Variants in DPYD observed in about 807,000 individuals in gnomAD.
The protein encoded by DPYD is dihydropyrimidine dehydrogenase.
A neutral mutation model predicts 116.2 loss-of-function variants in DPYD; 109 were observed. The ratio of observed to expected loss-of-function variants is 0.94; its 90% CI spans 0.80 to 1.10. The LOEUF (loss-of-function observed/expected upper bound fraction) is 1.10, where lower values mean the gene tolerates loss of function less well. Ranked by LOEUF, DPYD falls within the 50% of genes least tolerant of loss-of-function variation. The pLI is 0.00. For synonymous variants in DPYD, 440 were observed against 432.0 expected (o/e 1.02, Z -0.23); for missense variants, 1,302 against 1,254.5 (o/e 1.04, Z -0.57).
chr1:97,456,572 C>G (rs1464034352), intron 13 of DPYD, among the ~76,000 whole-genome samples: 1 of 151,964 alleles, frequency 6.6e-6, no homozygotes. Flanking sequence ...TGACAGAGGC[C>G]CTAACGGGCT....
At chr1:97,134,335 A>T (rs1292854286) in intron 20 of DPYD, among the ~76,000 whole-genome samples, 1 of 151,996 alleles carries the variant, frequency 6.6e-6, no homozygotes, top group African/African-American at 2.4e-5. Flanking sequence ...GATCAGATTA[A>T]AATAAGCCAG....
At chr1:97,084,408 A>G (rs939955643) in intron 21 of DPYD, among the ~76,000 whole-genome samples, 2 of 151,472 alleles carry the variant, frequency 1.3e-5, no homozygotes, top group African/African-American at 4.8e-5. Flanking sequence ...TTCCTAACCA[A>G]ATGTGAGGAC....
chr1:97,590,171 G>A (rs1654407370), intron 10 of DPYD, among the ~76,000 whole-genome samples: 1 of 152,130 alleles, frequency 6.6e-6, no homozygotes, highest in African/African-American at 2.4e-5. Context: ...AAACTTCTAT[G>A]AATGCCAAAA....
At chr1:97,320,215 G>A (rs1570510778) in intron 16 of DPYD, among the ~76,000 whole-genome samples, 1 of 139,526 alleles carries the variant, frequency 7.2e-6, no homozygotes, top group Non-Finnish European at 1.5e-5. Context: ...TCAACATAGT[G>A]TTGGAAGTTC....
At chr1:97,586,922 G>A (rs1052558003) in intron 10 of DPYD, among the ~76,000 whole-genome samples, 3 of 152,014 alleles carry the variant, frequency 2.0e-5, no homozygotes, top group Non-Finnish European at 4.4e-5. Flanking sequence ...AAGAAATAGA[G>A]CCTTCCTGTC....
At chr1:97,351,654 T>C (rs1020021004) in intron 16 of DPYD, among the ~76,000 whole-genome samples, 3 of 151,876 alleles carry the variant, frequency 2.0e-5, no homozygotes, top group Admixed American at 2.0e-4. Flanking sequence ...AAATAATAAC[T>C]ACAACAAAAA....
intron 5 of DPYD, chr1:97,719,772 G>A (rs1289183816): frequency 7.1e-6 from 7 of 984,830 alleles, no homozygotes; most frequent in East Asian, 1.1e-4. Flanking sequence ...TAGTTCCCAC[G>A]AGGACATTTT....
chr1:97,083,471 G>T (rs964970754), intron 21 of DPYD, among the ~76,000 whole-genome samples: 1 of 151,614 alleles, frequency 6.6e-6, no homozygotes, highest in Non-Finnish European at 1.5e-5. Context: ...CATTATCATG[G>T]AATTTCAAAC....
chr1:97,089,217 A>G (rs76790666), intron 21 of DPYD, among the ~76,000 whole-genome samples: 2,362 of 152,274 alleles, frequency 0.016, 46 homozygotes, highest in African/African-American at 0.054. Flanking sequence ...GACGTTAGAG[A>G]TACATTCCCG....
chr1:97,256,367 C>T (rs1011203702), intron 18 of DPYD, among the ~76,000 whole-genome samples: 2 of 152,010 alleles, frequency 1.3e-5, no homozygotes, highest in African/African-American at 2.4e-5. Flanking sequence ...CAAATTTCAT[C>T]TTGAATTGTA....
rs1674492268 is a variant in DPYD at position 97,920,996 on chromosome 1, G to GT, written c.-75dup. The stretch of plus-strand genomic sequence containing the variant: ...CCTCAAGCTCCAGCCAGAGAGCCAA[G>GT]TGACAGCAGCCGGAGCGCGAGTCGA... On this transcript the variant is annotated 5_prime_UTR_variant, in exon 1 of 23. Transcript: ENST00000370192. The GT allele has an allele frequency of 6.5e-7, 1 of 1,537,276 alleles. No individual in the cohort carries two copies. The highest frequency in any genetic ancestry group is 2.0e-5 in the Admixed American group (1 of 51,098).
chr1:97,450,179 G>T lies in DPYD; in HGVS notation c.1785C>A (p.Thr595=). 1 of 1,613,872 alleles carries T rather than the reference G, an allele frequency of 6.2e-7. No homozygotes were observed. Residue 595 remains threonine (T), a synonymous_variant, in exon 14 of 23, where the codon ACC becomes ACA. Coordinates refer to ENST00000370192, the MANE Select transcript of DPYD (RefSeq NM_000110.4). ...GTCCAGGGCCATACATGGGGCCAGA[G>T]GTGGTTCCCCGGATGATTCTGGGGG... ...NVSPRIIRGT[T]SGPMYGPGQS... is the part of the protein sequence containing the mutation.
At chr1:97,865,792 C>A (rs2101603927) in intron 2 of DPYD, among the ~76,000 whole-genome samples, 1 of 151,942 alleles carries the variant, frequency 6.6e-6, no homozygotes, top group South Asian at 2.1e-4. Context: ...TGCCTAAAAC[C>A]CCAGGTTTTT....
At chr1:97,397,509 C>T (rs1673081120) in intron 14 of DPYD, among the ~76,000 whole-genome samples, 1 of 151,892 alleles carries the variant, frequency 6.6e-6, no homozygotes, top group Non-Finnish European at 1.5e-5. Context: ...TTCTGTGCTC[C>T]ACCTATTCAT....
intron 14 of DPYD, among the ~76,000 whole-genome samples, chr1:97,424,563 T>A (rs1276138284): frequency 1.3e-5 from 2 of 152,126 alleles, no homozygotes; most frequent in African/African-American, 2.4e-5. Context: ...ATAGTTGCTA[T>A]GTGTCTTTAT....
chr1:97,821,618 C>A (rs1331101458), intron 3 of DPYD, among the ~76,000 whole-genome samples: 15 of 152,004 alleles, frequency 9.9e-5, no homozygotes, highest in Non-Finnish European at 2.2e-4. Context: ...CTTTGATTAT[C>A]ATTTTCAGAA....
chr1:97,102,402 T>TATATAC (rs1472922206), intron 20 of DPYD, among the ~76,000 whole-genome samples: 7 of 139,392 alleles, frequency 5.0e-5, no homozygotes, highest in Admixed American at 1.5e-4. Flanking sequence ...GTATCATATA[T>TATATAC]ATATATATAT....
chr1:97,888,416 A>C (rs555639635), intron 1 of DPYD, among the ~76,000 whole-genome samples: 1 of 152,170 alleles, frequency 6.6e-6, no homozygotes, highest in South Asian at 2.1e-4. Flanking sequence ...TACCTGAAAA[A>C]GAAAAGACAA....
intron 20 of DPYD, among the ~76,000 whole-genome samples, chr1:97,141,619 G>A (rs370936674): frequency 6.6e-6 from 1 of 152,020 alleles, no homozygotes; most frequent in South Asian, 2.1e-4. Flanking sequence ...TGTTTACATA[G>A]CCCTTATCAC....
Sources: gnomAD v4.1 joint callset for allele counts (sites outside exome capture counted in the v4.1 genomes callset) on GRCh38, gnomAD v4.1.1 for gene constraint, MANE v1.5 for transcripts, NCBI Gene and HGNC (gene_info 2026-07-23, HGNC 2026-07-21) for gene names.